Variants in TRPC4 observed in about 807,000 individuals in gnomAD.
The protein encoded by TRPC4 is transient receptor potential cation channel subfamily C member 4.
Under a neutral mutation model 99.4 loss-of-function variants are expected in TRPC4, and 49 were observed. The observed-to-expected ratio is 0.49, with a 90% CI of 0.39 to 0.63. The LOEUF is 0.63. Ranked by LOEUF, TRPC4 falls within the 20% of genes least tolerant of loss-of-function variation. TRPC4 has a pLI of 0.00. For synonymous variants in TRPC4, 454 were observed against 425.9 expected (o/e 1.07, Z -0.81); for missense variants, 898 against 1,152.9 (o/e 0.78, Z 3.20).
chr13:37,662,427 TA>T (rs1952479157), intron 6 of TRPC4, among the ~76,000 whole-genome samples: 1 of 152,148 alleles, frequency 6.6e-6, no homozygotes, highest in Admixed American at 6.5e-5. Flanking sequence ...AGATGATGAA[TA>T]ACTAAAATGA....
At position 37,715,224 on chromosome 13, in the gene TRPC4, C is replaced by T. The variant is rs1240399128; in HGVS notation, c.898-22889G>A. 2.0e-5 allele frequency among the ~76,000 whole-genome samples: 3 copies of T among 152,204 alleles called. No individual in the cohort carries two copies. In the South Asian group the frequency reaches 6.2e-4, roughly 32 times the overall value. On this transcript the variant is annotated intron_variant, in intron 3 of 10. Transcript: ENST00000379705. ...TGGCTGGAAGGTATAGTATGAGCCA[C>T]GTGATATTGCCAAAGCCAAGAGCAC...
chr13:37,770,190 T>C (rs985156910), intron 2 of TRPC4, among the ~76,000 whole-genome samples: 6 of 151,490 alleles, frequency 4.0e-5, no homozygotes, highest in Non-Finnish European at 8.9e-5. Flanking sequence ...ATTTATATGA[T>C]AAATATGACT....
intron 1 of TRPC4, among the ~76,000 whole-genome samples, chr13:37,850,308 T>A (rs1212838051): frequency 6.6e-6 from 1 of 152,228 alleles, no homozygotes; most frequent in Admixed American, 6.5e-5. Flanking sequence ...CAGTTAATAA[T>A]GTTTTTGCTA....
At chr13:37,792,552 A>G (rs2139394055) in intron 1 of TRPC4, among the ~76,000 whole-genome samples, 1 of 152,274 alleles carries the variant, frequency 6.6e-6, no homozygotes, top group South Asian at 2.1e-4. Flanking sequence ...CAATATTAAG[A>G]AGAAATGTGG....
At chr13:37,792,224 G>C (rs147593961) in intron 1 of TRPC4, among the ~76,000 whole-genome samples, 1 of 152,206 alleles carries the variant, frequency 6.6e-6, no homozygotes, top group East Asian at 1.9e-4. Flanking sequence ...CATAATGACA[G>C]ACTCTGATGC....
At chr13:37,810,887 C>T (rs1957666308) in intron 1 of TRPC4, among the ~76,000 whole-genome samples, 2 of 151,860 alleles carry the variant, frequency 1.3e-5, no homozygotes, top group South Asian at 4.2e-4. Context: ...AAACTGATCT[C>T]GAAATTTTTT....
intron 1 of TRPC4, among the ~76,000 whole-genome samples, chr13:37,832,522 G>A (rs780025831): frequency 5.3e-5 from 8 of 152,082 alleles, no homozygotes; most frequent in Non-Finnish European, 1.0e-4. Flanking sequence ...CTAGGTGACA[G>A]AGCAAGACTC....
At chr13:37,672,482 T>A (rs943004815) in intron 5 of TRPC4, among the ~76,000 whole-genome samples, 5 of 152,126 alleles carry the variant, frequency 3.3e-5, no homozygotes, top group African/African-American at 1.2e-4. Flanking sequence ...GTAACTTAAA[T>A]CTGGTGATGG....
intron 3 of TRPC4, among the ~76,000 whole-genome samples, chr13:37,705,940 A>AT (rs924280783): frequency 1.5e-4 from 19 of 123,346 alleles, no homozygotes; most frequent in African/African-American, 6.2e-4. Context: ...CCATCTCCTG[A>AT]TTTTTCATGA....
At chr13:37,784,889 A>G (rs1332227006) in intron 1 of TRPC4, among the ~76,000 whole-genome samples, 1 of 152,114 alleles carries the variant, frequency 6.6e-6, no homozygotes, top group Non-Finnish European at 1.5e-5. Flanking sequence ...GGTGTTTAAG[A>G]GCTAATATGA....
intron 1 of TRPC4, among the ~76,000 whole-genome samples, chr13:37,868,928 T>C (rs572606080): frequency 6.6e-6 from 1 of 152,146 alleles, no homozygotes; most frequent in Non-Finnish European, 1.5e-5. Flanking sequence ...GAACAACAAG[T>C]TGTGCAGTGA....
At chr13:37,666,580 A>T (rs1038576284) in intron 5 of TRPC4, among the ~76,000 whole-genome samples, 1 of 152,224 alleles carries the variant, frequency 6.6e-6, no homozygotes, top group African/African-American at 2.4e-5. Context: ...ATAATTACAA[A>T]TTGTAATATT....
intron 1 of TRPC4, among the ~76,000 whole-genome samples, chr13:37,855,839 A>G (rs1004807439): frequency 2.0e-5 from 3 of 151,936 alleles, no homozygotes; most frequent in Admixed American, 1.3e-4. Flanking sequence ...GACAAATTAC[A>G]ATGGAAACAC....
At chr13:37,819,192 G>T (rs1323624612) in intron 1 of TRPC4, among the ~76,000 whole-genome samples, 1 of 152,000 alleles carries the variant, frequency 6.6e-6, no homozygotes, top group Non-Finnish European at 1.5e-5. Flanking sequence ...ATGCTGGTGA[G>T]GTTGTAGAGA....
chr13:37,745,824 T>A (rs1465303455), intron 3 of TRPC4, 113 bp downstream of exon 3: 2 of 1,145,836 alleles, frequency 1.7e-6, no homozygotes, highest in Non-Finnish European at 2.5e-6. Flanking sequence ...GTCATCCACT[T>A]ACAGCTGAAT....
chr13:37,796,984 T>TAAA (rs1173828244), intron 1 of TRPC4, among the ~76,000 whole-genome samples: 1 of 148,542 alleles, frequency 6.7e-6, no homozygotes, highest in Non-Finnish European at 1.5e-5. Context: ...TAAAGTAAAG[T>TAAA]AAAGTAAAGT....
At chr13:37,716,777 C>T (rs1566117695) in intron 3 of TRPC4, among the ~76,000 whole-genome samples, 1 of 152,088 alleles carries the variant, frequency 6.6e-6, no homozygotes, top group Non-Finnish European at 1.5e-5. Context: ...TCTCAACGAG[C>T]ATGGTATTTT....
At chr13:37,739,504 AT>A (rs34228089) in intron 3 of TRPC4, among the ~76,000 whole-genome samples, 24,534 of 133,484 alleles carry the variant, frequency 0.18, 2,479 homozygotes, top group African/African-American at 0.35. Flanking sequence ...AAAGCATGAG[AT>A]TTTTTTTTTT....
intron 1 of TRPC4, among the ~76,000 whole-genome samples, chr13:37,852,560 A>T (rs1959086907): frequency 6.6e-6 from 1 of 152,194 alleles, no homozygotes; most frequent in South Asian, 2.1e-4. Context: ...CTATTATAAA[A>T]GACTTCCATT....
Sources: gnomAD v4.1 joint callset for allele counts (sites outside exome capture counted in the v4.1 genomes callset) on GRCh38, gnomAD v4.1.1 for gene constraint, MANE v1.5 for transcripts, NCBI Gene and HGNC (gene_info 2026-07-23, HGNC 2026-07-21) for gene names.